The following CNTNAP2 variants were observed in gnomAD, a reference collection of about 807,000 sequenced individuals.
The protein encoded by CNTNAP2 is contactin associated protein 2, also known as contactin-associated protein-like 2.
Under a neutral mutation model 155.2 loss-of-function variants are expected in CNTNAP2, and 98 were observed. That is an observed-to-expected ratio of 0.63 (90% CI 0.54 to 0.75). The LOEUF (loss-of-function observed/expected upper bound fraction) is 0.75, where lower values mean the gene tolerates loss of function less well. Ranked by LOEUF, CNTNAP2 falls within the 30% of genes least tolerant of loss-of-function variation. CNTNAP2 has a pLI of 0.00. For missense variants in CNTNAP2, 1,727 were observed against 1,688.1 expected (o/e 1.02, Z -0.40); for synonymous variants, 651 against 631.2 (o/e 1.03, Z -0.47).
intron 14 of CNTNAP2, among the ~76,000 whole-genome samples, chr7:147,947,482 G>A (rs895244426): frequency 1.1e-4 from 16 of 145,036 alleles, no homozygotes; most frequent in Non-Finnish European, 2.0e-4. Context: ...AAAAAAATTA[G>A]TTGGGCATTG....
At chr7:147,899,299 C>T (rs1371239993) in intron 13 of CNTNAP2, among the ~76,000 whole-genome samples, 1 of 152,148 alleles carries the variant, frequency 6.6e-6, no homozygotes, top group Non-Finnish European at 1.5e-5. Flanking sequence ...ATGATTGCTC[C>T]ACTGCACTCC....
At chr7:148,404,204 T>C (rs183199790) in intron 22 of CNTNAP2, among the ~76,000 whole-genome samples, 2 of 152,370 alleles carry the variant, frequency 1.3e-5, no homozygotes, top group East Asian at 1.9e-4. Flanking sequence ...TGCTACTGCA[T>C]TGTTAGTCAC....
chr7:146,487,814 G>A (rs1797079166), intron 1 of CNTNAP2, among the ~76,000 whole-genome samples: 1 of 152,132 alleles, frequency 6.6e-6, no homozygotes, highest in East Asian at 1.9e-4. Context: ...AGGAAAAGCA[G>A]GCAAGAGCCC....
chr7:147,677,866 A>G (rs1192945460), intron 13 of CNTNAP2, among the ~76,000 whole-genome samples: 1 of 151,538 alleles, frequency 6.6e-6, no homozygotes, highest in Non-Finnish European at 1.5e-5. Context: ...ATCTTGTCTC[A>G]TTGTTCTACA....
chr7:146,573,891 G>A (rs1798480558), intron 1 of CNTNAP2, among the ~76,000 whole-genome samples: 1 of 152,114 alleles, frequency 6.6e-6, no homozygotes, highest in African/African-American at 2.4e-5. Flanking sequence ...GATTAAATGA[G>A]ATAGGTGTAA....
At chr7:147,943,766 CAAAAAAAAAAAAAAAAAAA>C (rs144842680) in intron 14 of CNTNAP2, among the ~76,000 whole-genome samples, 21 of 40,168 alleles carry the variant, frequency 5.2e-4, no homozygotes, top group African/African-American at 1.9e-3. Flanking sequence ...GACCCCGTCT[CAAAAAAAAAAAAAAAAAAA>C]AAAAAAAAAA....
At chr7:146,586,405 C>T (rs1163618188) in intron 1 of CNTNAP2, among the ~76,000 whole-genome samples, 1 of 152,184 alleles carries the variant, frequency 6.6e-6, no homozygotes, top group Non-Finnish European at 1.5e-5. Flanking sequence ...TCTCTACCTA[C>T]TGAAAACTTC....
Position 147,580,718 on chromosome 7 carries a change from C to T in CNTNAP2, c.1897+18461C>T, listed in dbSNP as rs539673100. Among the ~76,000 whole-genome samples the T allele has an allele frequency of 3.7e-3, 568 of 151,956 alleles. 2 individuals carry two copies. Among genetic ancestry groups the T allele is most frequent in the Middle Eastern group, 6.8e-3 (2 of 292 alleles). ...GCAACCTTCGCCTCCCAGGTTCAAG[C>T]GATTCTCCTGCTTCAGCCTCCTGAG... On this transcript the variant is annotated intron_variant, in intron 12 of 23. Coordinates refer to ENST00000361727, the MANE Select transcript of CNTNAP2 (RefSeq NM_014141.6).
At chr7:147,478,009 T>A (rs1237033282) in intron 10 of CNTNAP2, among the ~76,000 whole-genome samples, 1 of 152,196 alleles carries the variant, frequency 6.6e-6, no homozygotes, top group Non-Finnish European at 1.5e-5. Flanking sequence ...ACGCAACACA[T>A]AAATGACTTA....
intron 1 of CNTNAP2, among the ~76,000 whole-genome samples, chr7:146,227,752 G>C (rs1562997879): frequency 6.6e-6 from 1 of 152,008 alleles, no homozygotes; most frequent in African/African-American, 2.4e-5. Context: ...GAGGGAGAAG[G>C]CAGGCATCCA....
At chr7:146,850,350 T>A (rs1794855213) in intron 3 of CNTNAP2, among the ~76,000 whole-genome samples, 1 of 152,212 alleles carries the variant, frequency 6.6e-6, no homozygotes, top group Non-Finnish European at 1.5e-5. Flanking sequence ...GTAATTGCAA[T>A]TTAAATGCTT....
At chr7:147,188,187 T>A (rs1163905776) in intron 8 of CNTNAP2, among the ~76,000 whole-genome samples, 1 of 152,204 alleles carries the variant, frequency 6.6e-6, no homozygotes, top group Non-Finnish European at 1.5e-5. Context: ...AGAGTGTGAA[T>A]TAATTGTCTC....
At chr7:146,677,129 A>G (rs903846440) in intron 1 of CNTNAP2, among the ~76,000 whole-genome samples, 1 of 152,142 alleles carries the variant, frequency 6.6e-6, no homozygotes, top group Non-Finnish European at 1.5e-5. Context: ...TTAGGTATAT[A>G]GTGGTTCAGT....
At chr7:147,866,605 G>A (rs530274361) in intron 13 of CNTNAP2, among the ~76,000 whole-genome samples, 2 of 152,138 alleles carry the variant, frequency 1.3e-5, no homozygotes, top group African/African-American at 2.4e-5. Flanking sequence ...GGGTGCTCCT[G>A]TTTTGGTTGG....
intron 21 of CNTNAP2, among the ~76,000 whole-genome samples, chr7:148,340,039 A>C (rs1346871662): frequency 6.7e-6 from 1 of 149,996 alleles, no homozygotes; most frequent in Non-Finnish European, 1.5e-5. Flanking sequence ...CATGGTGTGA[A>C]CTGTTAAATG....
chr7:146,775,525 AG>A (rs901356179), intron 2 of CNTNAP2, among the ~76,000 whole-genome samples: 1 of 150,582 alleles, frequency 6.6e-6, no homozygotes, highest in African/African-American at 2.4e-5. Context: ...AAAAAATGAA[AG>A]GGAATGAATA....
At chr7:146,845,531 A>G (rs79671281) in intron 3 of CNTNAP2, among the ~76,000 whole-genome samples, 4,672 of 152,328 alleles carry the variant, frequency 0.031, 218 homozygotes, top group African/African-American at 0.11. Flanking sequence ...TCCCAATTTT[A>G]GAAGCATTCT....
chr7:147,665,662 CTCTG>C (rs998546825), intron 13 of CNTNAP2, among the ~76,000 whole-genome samples: 3 of 151,992 alleles, frequency 2.0e-5, no homozygotes, highest in Non-Finnish European at 4.4e-5. Context: ...GTGTGTTTCC[CTCTG>C]TCTGTCCATG....
chr7:148,393,533 TGTTTCTACAGTGTTTTCATAGAAAATCA>T lies in CNTNAP2; in HGVS notation c.3715+9674_3715+9701del, dbSNP rs557900351. On this transcript the variant is annotated intron_variant, in intron 22 of 23. Coordinates refer to ENST00000361727, the MANE Select transcript of CNTNAP2 (RefSeq NM_014141.6). The stretch of plus-strand genomic sequence containing the variant: ...GTCATTTTAGTTGTATCCCACCTTT[TGTTTCTACAGTGTTTTCATAGAAAATCA>T]GTTTCTACAGTGTTTTCATAGAAAA... Among the ~76,000 whole-genome samples the T allele has an allele frequency of 3.6e-3, 548 of 152,362 alleles. 5 individuals are homozygous for T. Among genetic ancestry groups the T allele is most frequent in the African/African-American group, 0.012 (496 of 41,578 alleles).
Sources: gnomAD v4.1 joint callset for allele counts (sites outside exome capture counted in the v4.1 genomes callset) on GRCh38, gnomAD v4.1.1 for gene constraint, MANE v1.5 for transcripts, NCBI Gene and HGNC (gene_info 2026-07-23, HGNC 2026-07-21) for gene names.